The following IGF1 variants were observed in gnomAD, a reference collection of about 807,000 sequenced individuals.
IGF1 encodes insulin like growth factor 1, also known as insulin-like growth factor 1.
A neutral mutation model predicts 13.8 loss-of-function variants in IGF1; 4 were observed. The ratio of observed to expected loss-of-function variants is 0.29; its 90% CI spans 0.14 to 0.66. The LOEUF is 0.66. Among genes scored for constraint, IGF1 ranks in the 30% least tolerant of loss-of-function variants. The pLI is 0.78. For synonymous variants in IGF1, 76 were observed against 72.6 expected (o/e 1.05, Z -0.23); for missense variants, 124 against 188.5 (o/e 0.66, Z 2.00).
At chr12:102,456,996 T>TA (rs558491436) in intron 2 of IGF1, among the ~76,000 whole-genome samples, 9 of 152,116 alleles carry the variant, frequency 5.9e-5, no homozygotes, top group Admixed American at 1.3e-4. Flanking sequence ...CTCCTGGTAC[T>TA]AAAAAAACTG....
intron 2 of IGF1, among the ~76,000 whole-genome samples, chr12:102,452,780 G>A (rs1444406051): frequency 6.6e-6 from 1 of 152,192 alleles, no homozygotes; most frequent in East Asian, 1.9e-4. Flanking sequence ...AAAGAGCTGG[G>A]TCAAAGAGGA....
At chr12:102,467,749 T>C (rs1336219389) in intron 2 of IGF1, among the ~76,000 whole-genome samples, 1 of 152,234 alleles carries the variant, frequency 6.6e-6, no homozygotes, top group African/African-American at 2.4e-5. Context: ...GTCATTTTAA[T>C]TTACCAGGTA....
chr12:102,408,061 A>T (rs17878303), intron 3 of IGF1, among the ~76,000 whole-genome samples: 55 of 152,352 alleles, frequency 3.6e-4, no homozygotes, highest in African/African-American at 1.3e-3. Context: ...CTGGCACTCT[A>T]TAAAAAATAC....
chr12:102,468,488 G>A (rs991505617), intron 2 of IGF1, among the ~76,000 whole-genome samples: 1 of 152,236 alleles, frequency 6.6e-6, no homozygotes, highest in Non-Finnish European at 1.5e-5. Context: ...AGTGGCTTTA[G>A]CCAATGTGAG....
intron 2 of IGF1, among the ~76,000 whole-genome samples, chr12:102,469,897 A>T (rs561741778): frequency 6.6e-6 from 1 of 152,250 alleles, no homozygotes; most frequent in South Asian, 2.1e-4. Flanking sequence ...TAAATATACT[A>T]GATAAACATA....
At chr12:102,440,659 G>GA (rs1423056004) in intron 2 of IGF1, among the ~76,000 whole-genome samples, 3 of 152,106 alleles carry the variant, frequency 2.0e-5, no homozygotes, top group Non-Finnish European at 4.4e-5. Flanking sequence ...GACTGCAGGT[G>GA]AAAAAATGAG....
chr12:102,412,674 C>T (rs1874749735), intron 3 of IGF1, among the ~76,000 whole-genome samples: 3 of 152,140 alleles, frequency 2.0e-5, no homozygotes, highest in African/African-American at 7.2e-5. Context: ...TGTTACTCAT[C>T]TAACAATAGG....
Position 102,399,862 on chromosome 12 carries a change from A to G in IGF1, c.*2645T>C, listed in dbSNP as rs1377617862. 1 of 152,210 alleles carries G rather than the reference A, an allele frequency of 6.6e-6. No homozygotes were observed. The highest frequency in any genetic ancestry group is 2.4e-5 in the African/African-American group (1 of 41,454). The allele number at this position is 152,210 out of a possible 1,614,324, so 9.4% of individuals were successfully genotyped here. A position where few individuals can be genotyped will look rare whatever the true frequency, so the allele number is the denominator to read the frequency against. On this transcript the variant is annotated 3_prime_UTR_variant, in exon 4 of 4. Coordinates refer to ENST00000337514, the MANE Select transcript of IGF1 (RefSeq NM_000618.5). ...TAATTTTAAAAGGTACACACTGGGG[A>G]CAAGAAATAAAAAGAAGTGCCATCT... is the stretch of plus-strand genomic sequence containing the variant.
Position 102,472,872 on chromosome 12 carries a change from A to AT in IGF1, c.220+2770dup, listed in dbSNP as rs549769814. On this transcript the variant is annotated intron_variant, in intron 2 of 3. Coordinates refer to ENST00000337514, the MANE Select transcript of IGF1 (RefSeq NM_000618.5). ...AGCCTCTAAGTCATTGTTAGTATAT[A>AT]TTTTTTCAGTTCAAAAAAAAATAAA... 5.5e-4 allele frequency among the ~76,000 whole-genome samples: 78 copies of AT among 142,994 alleles called. 1 individual carries two copies. Among genetic ancestry groups the AT allele is most frequent in the Non-Finnish European group, 9.2e-4 (60 of 65,088 alleles). 93.8% of individuals were successfully genotyped at this position (142,994 alleles called of 152,430 possible).
intron 2 of IGF1, among the ~76,000 whole-genome samples, chr12:102,421,364 T>A (rs902660750): frequency 1.2e-4 from 18 of 152,220 alleles, no homozygotes; most frequent in African/African-American, 4.3e-4. Context: ...TTTTGTTTTT[T>A]TGTTTTTATA....
At chr12:102,470,288 T>A (rs1242911598) in intron 2 of IGF1, among the ~76,000 whole-genome samples, 2 of 152,228 alleles carry the variant, frequency 1.3e-5, no homozygotes, top group African/African-American at 2.4e-5. Flanking sequence ...AAACCTGAAG[T>A]GTTTGGCAAT....
chr12:102,470,924 C>T (rs1300364708), intron 2 of IGF1, among the ~76,000 whole-genome samples: 1 of 152,178 alleles, frequency 6.6e-6, no homozygotes, highest in Non-Finnish European at 1.5e-5. Flanking sequence ...CTTGACCTCA[C>T]AGTCAGGAGA....
intron 2 of IGF1, among the ~76,000 whole-genome samples, chr12:102,448,791 A>T (rs1268568413): frequency 6.6e-6 from 1 of 151,962 alleles, no homozygotes; most frequent in Non-Finnish European, 1.5e-5. Flanking sequence ...ATCGGACATG[A>T]AAAAAAAGCT....
intron 2 of IGF1, among the ~76,000 whole-genome samples, chr12:102,448,655 A>G (rs1039723936): frequency 6.9e-6 from 1 of 145,290 alleles, no homozygotes; most frequent in East Asian, 2.1e-4. Flanking sequence ...TAACTTGCAC[A>G]ATGTGCACAT....
rs761135983 is a variant in IGF1, at chr12:102,442,399, C to T, written c.221-22709G>A. On this transcript the variant is annotated intron_variant, in intron 2 of 3. Transcript: ENST00000337514. ...TTGACATGGGATTTTAATTCATTTA[C>T]TTGATATGACATAGTGGGTGATGCA... 2.4e-4 allele frequency among the ~76,000 whole-genome samples: 37 copies of T among 152,112 alleles called. 1 individual carries two copies. Among genetic ancestry groups the T allele is most frequent in the Admixed American group, 9.8e-4 (15 of 15,266 alleles).
chr12:102,441,906 G>GCTGCTTCTTGTTCTT, intron 2 of IGF1, among the ~76,000 whole-genome samples: 1 of 100,292 alleles, frequency 1.0e-5, no homozygotes, highest in Non-Finnish European at 2.1e-5. Flanking sequence ...CTATTACACT[G>GCTGCTTCTTGTTCTT]CTTCTTCTCC....
intron 2 of IGF1, among the ~76,000 whole-genome samples, chr12:102,451,978 T>C (rs1268767421): frequency 6.6e-6 from 1 of 152,108 alleles, no homozygotes; most frequent in African/African-American, 2.4e-5. Context: ...ATATGTCTAC[T>C]TCGGCCGGGC....
chr12:102,419,491 C>T lies in IGF1; in HGVS notation c.402+18G>A, dbSNP rs553449927. The T allele has an allele frequency of 6.2e-7, 1 of 1,609,588 alleles. No homozygotes were observed. The highest frequency in any genetic ancestry group is 2.2e-5 in the East Asian group (1 of 44,790). On this transcript the variant is annotated intron_variant, in intron 3 of 3. Coordinates refer to ENST00000337514, the MANE Select transcript of IGF1 (RefSeq NM_000618.5). ...GAGACCACTTGAGGATGGCTGGATC[C>T]CACCCAGGTGGGCTTACCTTCTGGG...
At chr12:102,440,545 G>GCTCCTTATTCTACACTGT (rs1877627198) in intron 2 of IGF1, among the ~76,000 whole-genome samples, 2 of 152,244 alleles carry the variant, frequency 1.3e-5, no homozygotes, top group African/African-American at 4.8e-5. Flanking sequence ...CAGGCCTCTG[G>GCTCCTTATTCTACACTGT]CTCCTTATTC....
Sources: gnomAD v4.1 joint callset for allele counts (sites outside exome capture counted in the v4.1 genomes callset) on GRCh38, gnomAD v4.1.1 for gene constraint, MANE v1.5 for transcripts, NCBI Gene and HGNC (gene_info 2026-07-23, HGNC 2026-07-21) for gene names.